Variants in ASXL2 observed in about 807,000 individuals in gnomAD.
ASXL2 encodes the protein ASXL transcriptional regulator 2.
In ASXL2, 23 loss-of-function variants were observed where a neutral mutation model predicts 122.0. The ratio of observed to expected loss-of-function variants is 0.19; its 90% CI spans 0.14 to 0.27. The LOEUF is 0.27. ASXL2 is among the 10% of genes least tolerant of loss of function. The pLI is 1.00. For synonymous variants in ASXL2, 650 were observed against 637.0 expected (o/e 1.02, Z -0.31); for missense variants, 1,518 against 1,713.8 (o/e 0.89, Z 2.02).
rs932552008 is a variant in ASXL2 at position 25,749,243 on chromosome 2, G to A, written c.1860+453C>T. ...AGGAAGCCCAAGACTCTTCCACCCT[G>A]GGATTGTGATCAACTCTTCTCTGCA... On this transcript the variant is annotated intron_variant, in intron 12 of 12. Coordinates refer to ENST00000435504, the MANE Select transcript of ASXL2 (RefSeq NM_018263.6). Among the ~76,000 whole-genome samples, 9 of 152,292 alleles carry A rather than the reference G, an allele frequency of 5.9e-5. No individual in the cohort carries two copies. The East Asian group carries it at 1.7e-3, about 29-fold the overall frequency.
chr2:25,805,510 AAATT>A (rs2089068230), intron 4 of ASXL2, among the ~76,000 whole-genome samples: 1 of 151,916 alleles, frequency 6.6e-6, no homozygotes, highest in Non-Finnish European at 1.5e-5. Context: ...CAGCAATAAA[AAATT>A]ATTAAATGGT....
At chr2:25,852,165 A>G (rs927901330) in intron 1 of ASXL2, among the ~76,000 whole-genome samples, 1 of 152,218 alleles carries the variant, frequency 6.6e-6, no homozygotes, top group African/African-American at 2.4e-5. Flanking sequence ...GAAACTTTAA[A>G]GTACAATTTT....
chr2:25,872,097 A>G lies in ASXL2; in HGVS notation c.57+6069T>C, dbSNP rs555032400. 2.4e-4 allele frequency among the ~76,000 whole-genome samples: 36 copies of G among 152,362 alleles called. No individual in the cohort carries two copies. The South Asian group carries it at 7.2e-3, about 31-fold the overall frequency. On this transcript the variant is annotated intron_variant, in intron 1 of 12. Transcript: ENST00000435504. ...GGAAAATTCACAAGCCCAAAGAGCT[A>G]CATAAATTAAAAATTAGCAGGGCAC... is the stretch of plus-strand genomic sequence containing the variant.
chr2:25,862,199 G>A (rs1292683496), intron 1 of ASXL2, among the ~76,000 whole-genome samples: 1 of 152,124 alleles, frequency 6.6e-6, no homozygotes, highest in Non-Finnish European at 1.5e-5. Context: ...GTAAATCTAT[G>A]TATGTCTAGG....
intron 5 of ASXL2, among the ~76,000 whole-genome samples, chr2:25,791,048 C>T (rs1189774756): frequency 4.0e-5 from 6 of 151,766 alleles, no homozygotes; most frequent in East Asian, 1.9e-4. Context: ...ACTCCTGCCT[C>T]GGCCTCCCAA....
chr2:25,810,640 G>A, intron 3 of ASXL2: 1 of 788,742 alleles, frequency 1.3e-6, no homozygotes, highest in Non-Finnish European at 2.1e-6. Flanking sequence ...TGCCTCAATA[G>A]TGGTGATCCC....
At chr2:25,834,563 GACTA>G (rs2089487649) in intron 3 of ASXL2, among the ~76,000 whole-genome samples, 1 of 152,110 alleles carries the variant, frequency 6.6e-6, no homozygotes, top group Non-Finnish European at 1.5e-5. Context: ...GAGTTAAAAA[GACTA>G]ACTACGCTCT....
intron 6 of ASXL2, among the ~76,000 whole-genome samples, chr2:25,770,164 T>C (rs2088421461): frequency 6.6e-6 from 1 of 152,238 alleles, no homozygotes; most frequent in South Asian, 2.1e-4. Flanking sequence ...AACCACTTGA[T>C]TGCATCTATT....
At chr2:25,753,785 G>A (rs1394834496) in intron 10 of ASXL2, 146 bp from the exon 11 acceptor site, 2 of 648,316 alleles carry the variant, frequency 3.1e-6, no homozygotes, top group Non-Finnish European at 5.3e-6. Context: ...CACTGTAAAG[G>A]AGGACCTAAA....
intron 1 of ASXL2, among the ~76,000 whole-genome samples, chr2:25,850,804 G>A (rs1038884775): frequency 6.6e-6 from 1 of 152,056 alleles, no homozygotes; most frequent in Non-Finnish European, 1.5e-5. Flanking sequence ...TCTAAAAATA[G>A]ATGCTTTCCA....
chr2:25,744,501 AC>A lies in ASXL2; in HGVS notation c.1861-26del. On this transcript the variant is annotated intron_variant, in intron 12 of 12. Transcript: ENST00000435504. The surrounding 1 kb of genome is among the most constrained non-coding windows in gnomAD (Gnocchi z 4.7). ...TCTGAAAGAAGTAGAGGGGAAAAAA[AC>A]AACAGAGCTTAGTTTTCATTTGTAA... 1 of 1,562,786 alleles carries A rather than the reference AC, an allele frequency of 6.4e-7. No homozygotes were observed. Among genetic ancestry groups the A allele is most frequent in the Non-Finnish European group, 8.6e-7 (1 of 1,164,968 alleles).
At chr2:25,828,076 T>C (rs529438329) in intron 3 of ASXL2, among the ~76,000 whole-genome samples, 2 of 152,244 alleles carry the variant, frequency 1.3e-5, no homozygotes, top group East Asian at 3.9e-4. Context: ...CTATGTTCTA[T>C]TTTTAAGTAA....
chr2:25,772,261 A>G (rs747540289), intron 5 of ASXL2, among the ~76,000 whole-genome samples: 8 of 152,200 alleles, frequency 5.3e-5, no homozygotes, highest in Admixed American at 2.6e-4. Context: ...CGATAAATAC[A>G]GAAATTGCTG....
intron 3 of ASXL2, among the ~76,000 whole-genome samples, chr2:25,834,332 G>A (rs2089485004): frequency 6.6e-6 from 1 of 152,034 alleles, no homozygotes; most frequent in African/African-American, 2.4e-5. Context: ...CAGCTTGGGT[G>A]ACAGAGTGAG....
At chr2:25,786,391 C>T (rs952828908) in intron 5 of ASXL2, among the ~76,000 whole-genome samples, 1 of 151,904 alleles carries the variant, frequency 6.6e-6, no homozygotes, top group Non-Finnish European at 1.5e-5. Flanking sequence ...CAGGCGCATG[C>T]CACCACGCCC....
At chr2:25,860,325 A>C (rs944061755) in intron 1 of ASXL2, among the ~76,000 whole-genome samples, 3 of 151,892 alleles carry the variant, frequency 2.0e-5, no homozygotes, top group Admixed American at 2.0e-4. Context: ...AATAAAAAAA[A>C]ATGGAAACAA....
chr2:25,824,367 TGAAGTG>T (rs1406101032), intron 3 of ASXL2, among the ~76,000 whole-genome samples: 1 of 152,146 alleles, frequency 6.6e-6, no homozygotes, highest in African/African-American at 2.4e-5. Context: ...GTATAAAAGA[TGAAGTG>T]GAAGTTTCCA....
chr2:25,845,700 A>C (rs1016932822), intron 1 of ASXL2, 137 bp from the exon 2 acceptor site: 7 of 322,354 alleles, frequency 2.2e-5, no homozygotes, highest in Admixed American at 5.0e-5. Flanking sequence ...GCAATTGTTT[A>C]CTTTCTCCCT....
rs1460318530 is a variant in ASXL2, at chr2:25,734,040, A to G, written c.*7989T>C. ...TGCTGGTGAAGGGTGCAATGCAGTC[A>G]CAGAATTAAGACAGGTTTTTTTTTT... is the stretch of plus-strand genomic sequence containing the variant. On this transcript the variant is annotated 3_prime_UTR_variant, in exon 13 of 13. Transcript: ENST00000435504. 6.7e-6 allele frequency: 1 copy of G among 149,606 alleles called. No homozygotes were observed. The highest frequency in any genetic ancestry group is 1.5e-5 in the Non-Finnish European group (1 of 67,578). 9.3% of individuals were successfully genotyped at this position (149,606 alleles called of 1,614,324 possible).
Sources: allele counts gnomAD v4.1 joint callset (sites outside exome capture counted in the v4.1 genomes callset), GRCh38; gene constraint gnomAD v4.1.1; non-coding constraint Gnocchi (gnomAD v3.1); transcripts MANE v1.5; gene names NCBI Gene and HGNC (gene_info 2026-07-23, HGNC 2026-07-21).